GGTA1: variants seen among roughly 807,000 people sequenced by gnomAD.
GGTA1 encodes the protein inactive N-acetyllactosaminide alpha-1,3-galactosyltransferase.
Under a neutral mutation model 2.6 loss-of-function variants are expected in GGTA1, and 5 were observed. The observed-to-expected ratio is 1.92, with a 90% confidence interval of 1.00 to 4.04. The LOEUF (loss-of-function observed/expected upper bound fraction) is 4.04, where lower values mean the gene tolerates loss of function less well. Among genes scored for constraint, GGTA1 ranks in the 30% most tolerant of loss-of-function variants. The probability of loss-of-function intolerance (pLI) is 0.00; values close to 1 mark genes in which losing one functional copy is unlikely to be tolerated. For synonymous variants in GGTA1, 17 were observed against 5.0 expected, an observed-to-expected ratio of 3.38 and a Z score of -3.19; for missense variants, 50 against 16.7, an observed-to-expected ratio of 2.99 and a Z score of -3.47.
intron 1 of GGTA1, among the ~76,000 whole-genome samples, chr9:121,494,195 C>A (rs1339003721): frequency 6.6e-6 from 1 of 152,186 alleles, no homozygotes; most frequent in Admixed American, 6.5e-5. Context: ...CACGTGCACA[C>A]CCCCAAAGTC....
chr9:121,495,663 A>T (rs1828976275), intron 1 of GGTA1, among the ~76,000 whole-genome samples: 1 of 152,148 alleles, frequency 6.6e-6, no homozygotes, highest in South Asian at 2.1e-4. Flanking sequence ...ATGTTCCAGT[A>T]ATCTCCTAAT....
chr9:121,451,759 G>A (rs1040927106), downstream of GGTA1, among the ~76,000 whole-genome samples: 7 of 152,176 alleles, frequency 4.6e-5, no homozygotes, highest in South Asian at 2.1e-4. Flanking sequence ...GTCCTGGGCC[G>A]TAGAGCATAG....
intron 1 of GGTA1, among the ~76,000 whole-genome samples, chr9:121,497,212 T>C (rs984201871): frequency 1.3e-5 from 2 of 151,818 alleles, no homozygotes. Context: ...AGAAAATAAG[T>C]TTTACATATC....
chr9:121,485,302 A>C (rs896720852), intron 1 of GGTA1, among the ~76,000 whole-genome samples: 3 of 152,140 alleles, frequency 2.0e-5, no homozygotes, highest in Admixed American at 6.5e-5. Flanking sequence ...TGGAGCCTCC[A>C]GGAAAACCGT....
At chr9:121,455,009 C>T (rs1228702350), downstream of GGTA1, 1 of 152,150 alleles carries the variant, frequency 6.6e-6, no homozygotes, top group African/African-American at 2.4e-5. Context: ...AGTGAAACTC[C>T]ATCTCGAAAT....
At chr9:121,480,148 C>T (rs984842477) in intron 1 of GGTA1, among the ~76,000 whole-genome samples, 6 of 151,856 alleles carry the variant, frequency 4.0e-5, no homozygotes, top group African/African-American at 9.7e-5. Flanking sequence ...CTCCGCCTCC[C>T]GGGTTCAAGT....
chr9:121,469,990 C>T (rs761611914), intron 1 of GGTA1, among the ~76,000 whole-genome samples: 5 of 152,220 alleles, frequency 3.3e-5, no homozygotes, highest in Non-Finnish European at 7.3e-5. Context: ...CCTCAGTCTT[C>T]CCCTTGCTGC....
chr9:121,458,816 C>A (rs983731697), intron 5 of GGTA1, among the ~76,000 whole-genome samples: 6 of 152,120 alleles, frequency 3.9e-5, no homozygotes, highest in Admixed American at 3.3e-4. Context: ...CCCCACCTCC[C>A]AAGTCCTGCT....
At chr9:121,469,853 G>T (rs1346858323) in intron 1 of GGTA1, among the ~76,000 whole-genome samples, 1 of 152,068 alleles carries the variant, frequency 6.6e-6, no homozygotes, top group Non-Finnish European at 1.5e-5. Context: ...ATCCCATCAG[G>T]GCCAGGTACG....
rs532766982 is a variant in GGTA1, at chr9:121,457,423, G to A, written c.299-1582C>T. Among the ~76,000 whole-genome samples the A allele has an allele frequency of 7.6e-4, 115 of 152,266 alleles. 1 individual carries two copies. The highest frequency in any genetic ancestry group is 2.5e-3 in the African/African-American group (104 of 41,556). On this transcript the variant is annotated intron_variant, in intron 5 of 5. Coordinates refer to ENST00000481799, the MANE Select transcript of GGTA1 (RefSeq NM_001382585.1). ...CACATTGGAAAATGGTGTATAAGCC[G>A]GGCGTGGTGGCTCACGCCCGTAATC...
intron 1 of GGTA1, among the ~76,000 whole-genome samples, chr9:121,480,680 G>C (rs1422193721): frequency 6.6e-6 from 1 of 152,108 alleles, no homozygotes; most frequent in Admixed American, 6.6e-5. Context: ...CCTCTTAAGG[G>C]GATGAGTTAT....
intron 2 of GGTA1, among the ~76,000 whole-genome samples, chr9:121,464,621 AAACAAAAAC>A (rs1200682847): frequency 6.3e-4 from 19 of 30,336 alleles, no homozygotes; most frequent in Non-Finnish European, 6.3e-4. Flanking sequence ...ACAAAAACAA[AAACAAAAAC>A]AAAACAAAAC....
chr9:121,478,784 C>A (rs1211763727), intron 1 of GGTA1, among the ~76,000 whole-genome samples: 1 of 152,172 alleles, frequency 6.6e-6, no homozygotes, highest in East Asian at 1.9e-4. Flanking sequence ...TCTCTCGAAT[C>A]CCCTTTGGGA....
At chr9:121,450,055 G>A (rs1286460549), downstream of GGTA1, among the ~76,000 whole-genome samples, 1 of 152,274 alleles carries the variant, frequency 6.6e-6, no homozygotes, top group African/African-American at 2.4e-5. Flanking sequence ...CAATCATGGT[G>A]TTTTGTGAGT....
chr9:121,493,923 A>G (rs1828931645), intron 1 of GGTA1, among the ~76,000 whole-genome samples: 1 of 151,532 alleles, frequency 6.6e-6, no homozygotes, highest in African/African-American at 2.4e-5. Flanking sequence ...CGCCCAGCTA[A>G]TTTTTGTATT....
At chr9:121,498,729 A>C (rs904312640) in intron 1 of GGTA1, among the ~76,000 whole-genome samples, 1 of 151,634 alleles carries the variant, frequency 6.6e-6, no homozygotes, top group Non-Finnish European at 1.5e-5. Context: ...AAGCCTCAAA[A>C]CACCTGCCTC....
rs145732040 is a variant in GGTA1, at chr9:121,481,984, G to C, written c.-9-14053C>G. Among the ~76,000 whole-genome samples, 326 of 150,830 alleles carry C rather than the reference G, an allele frequency of 2.2e-3. 3 individuals carry two copies. The South Asian group carries it at 0.037, about 17-fold the overall frequency. Reference sequence around the variant, plus strand: ...GCACTCCAGCCTGGGCAACAAAAGCGGAACTCTGTCTCAAAAAAAAAAAAA... The same window carrying C: ...GCACTCCAGCCTGGGCAACAAAAGCCGAACTCTGTCTCAAAAAAAAAAAAA... On this transcript the variant is annotated intron_variant, in intron 1 of 5. Transcript: ENST00000481799.
chr9:121,472,667 T>C (rs953567266), intron 1 of GGTA1, among the ~76,000 whole-genome samples: 5 of 152,154 alleles, frequency 3.3e-5, no homozygotes, highest in African/African-American at 1.2e-4. Flanking sequence ...ACTTTGATTC[T>C]CTTTGATCAA....
intron 7 of GGTA1, among the ~76,000 whole-genome samples, chr9:121,448,693 G>A (rs551786739): frequency 2.6e-5 from 4 of 152,160 alleles, no homozygotes; most frequent in East Asian, 1.9e-4. Flanking sequence ...GAAAAATTGC[G>A]CCAAAAGTAC....
Sources: allele counts gnomAD v4.1 joint callset (sites outside exome capture counted in the v4.1 genomes callset), GRCh38; gene constraint gnomAD v4.1.1; transcripts MANE v1.5; gene names NCBI Gene and HGNC (gene_info 2026-07-23, HGNC 2026-07-21).